AAK1: variants seen among roughly 807,000 people sequenced by gnomAD.
The protein encoded by AAK1 is AP2-associated protein kinase 1.
AAK1 carries 37 observed loss-of-function variants against 116.0 expected under a neutral mutation model. That is an observed-to-expected ratio of 0.32 (90% CI 0.25 to 0.42). The LOEUF (loss-of-function observed/expected upper bound fraction) is 0.42, where lower values mean the gene tolerates loss of function less well. Among genes scored for constraint, AAK1 ranks in the 10% least tolerant of loss-of-function variants. The pLI is 1.00. For synonymous variants in AAK1, 458 were observed against 439.9 expected (o/e 1.04, Z -0.51); for missense variants, 919 against 1,170.6 (o/e 0.79, Z 3.14).
chr2:69,479,832 C>T (rs565889317), intron 19 of AAK1, among the ~76,000 whole-genome samples: 116 of 152,258 alleles, frequency 7.6e-4, no homozygotes, highest in Non-Finnish European at 1.4e-3. Flanking sequence ...CTTGGCTCAC[C>T]GCAACCTCTG....
chr2:69,564,726 C>T (rs1340025451), intron 2 of AAK1, among the ~76,000 whole-genome samples: 2 of 152,182 alleles, frequency 1.3e-5, no homozygotes, highest in African/African-American at 4.8e-5. Flanking sequence ...AGGGCTTTCA[C>T]TTCATGCTAA....
At chr2:69,612,789 A>C (rs1573007594) in intron 2 of AAK1, among the ~76,000 whole-genome samples, 1 of 152,320 alleles carries the variant, frequency 6.6e-6, no homozygotes, top group South Asian at 2.1e-4. Context: ...TACAGAAAGC[A>C]AGTCAATGAC....
At chr2:69,560,165 T>C (rs1409646914) in intron 2 of AAK1, among the ~76,000 whole-genome samples, 1 of 152,208 alleles carries the variant, frequency 6.6e-6, no homozygotes, top group Non-Finnish European at 1.5e-5. Context: ...TAACAGGACT[T>C]GTCAGTCTAA....
chr2:69,496,578 C>T (rs7577851), intron 16 of AAK1, among the ~76,000 whole-genome samples: 46,340 of 151,972 alleles, frequency 0.3, 9,823 homozygotes, highest in African/African-American at 0.59. Flanking sequence ...CTGGTCCTTG[C>T]AACATATTAT....
At chr2:69,622,593 T>A (rs1674700026) in intron 2 of AAK1, among the ~76,000 whole-genome samples, 1 of 152,220 alleles carries the variant, frequency 6.6e-6, no homozygotes, top group Non-Finnish European at 1.5e-5. Context: ...TCAAGGCTTA[T>A]AAACACACCA....
At chr2:69,485,053 C>T (rs1233262897) in intron 17 of AAK1, among the ~76,000 whole-genome samples, 1 of 152,062 alleles carries the variant, frequency 6.6e-6, no homozygotes, top group Non-Finnish European at 1.5e-5. Flanking sequence ...TAATAATTTT[C>T]AGCATACTGG....
intron 16 of AAK1, among the ~76,000 whole-genome samples, chr2:69,498,370 G>C (rs2104940733): frequency 6.6e-6 from 1 of 152,070 alleles, no homozygotes; most frequent in Admixed American, 6.5e-5. Context: ...TCTGAATCTT[G>C]GTCTCTCTCC....
At chr2:69,498,403 G>A (rs1246027141) in intron 16 of AAK1, among the ~76,000 whole-genome samples, 2 of 151,888 alleles carry the variant, frequency 1.3e-5, no homozygotes, top group African/African-American at 4.8e-5. Context: ...GGCATGAGGA[G>A]GATGCTCTGG....
intron 17 of AAK1, among the ~76,000 whole-genome samples, 170 bp from the exon 18 acceptor site, chr2:69,482,982 G>C (rs1675153105): frequency 6.6e-6 from 1 of 152,066 alleles, no homozygotes; most frequent in Non-Finnish European, 1.5e-5. Context: ...TTTCAAAATT[G>C]GAAGTTTAAA....
In AAK1 at chr2:69,643,261, G is replaced by A; in HGVS notation, c.-221C>T. 7.1e-7 allele frequency: 1 copy of A among 1,408,838 alleles called. No homozygotes were observed. Among genetic ancestry groups the A allele is most frequent in the Non-Finnish European group, 9.2e-7 (1 of 1,090,012 alleles). The allele number at this position is 1,408,838 out of a possible 1,614,324, so 87.3% of individuals were successfully genotyped here. ...CCCCTCCTCCTCCAGAAAGCGATTC[G>A]TGTAAGTTTAAACCTGTGATGACAG... On this transcript the variant is annotated 5_prime_UTR_variant, in exon 2 of 22. The change creates a new upstream start codon in the 5' untranslated region. Coordinates refer to ENST00000409085, the MANE Select transcript of AAK1 (RefSeq NM_014911.5).
At chr2:69,544,647 T>C (rs1670852864) in intron 3 of AAK1, 103 bp from the exon 4 acceptor site, 1 of 836,258 alleles carries the variant, frequency 1.2e-6, no homozygotes, top group East Asian at 2.6e-5. Flanking sequence ...ACAGAGATGA[T>C]ACAGTGTTGA....
chr2:69,534,394 T>G (rs547401304), intron 5 of AAK1, among the ~76,000 whole-genome samples: 2 of 152,332 alleles, frequency 1.3e-5, no homozygotes, highest in South Asian at 4.1e-4. Flanking sequence ...AATACTTGTC[T>G]AATGCATTGG....
chr2:69,476,193 T>C (rs909429442), intron 21 of AAK1, among the ~76,000 whole-genome samples: 61 of 152,208 alleles, frequency 4.0e-4, no homozygotes, highest in Non-Finnish European at 4.3e-4. Flanking sequence ...AGGCACTCTG[T>C]GCACACCACA....
At chr2:69,488,668 A>G (rs1675398103) in intron 17 of AAK1, among the ~76,000 whole-genome samples, 1 of 152,192 alleles carries the variant, frequency 6.6e-6, no homozygotes, top group African/African-American at 2.4e-5. Context: ...GGTGCCTGTG[A>G]TTACAGTAGT....
chr2:69,473,031 C>CT lies in AAK1; in HGVS notation c.*2837dup. 1.0e-6 allele frequency: 1 copy of CT among 973,846 alleles called. No individual in the cohort carries two copies. The highest frequency in any genetic ancestry group is 1.2e-6 in the Non-Finnish European group (1 of 819,030). 60.3% of individuals were successfully genotyped at this position (973,846 alleles called of 1,614,324 possible). On this transcript the variant is annotated 3_prime_UTR_variant, in exon 22 of 22. Coordinates refer to ENST00000409085, the MANE Select transcript of AAK1 (RefSeq NM_014911.5). ...AGGATTATATAAATCCTTCATAGCCCTTCTCAATATAATAATATATACTTA... is the reference window on the plus strand; with the variant it reads ...AGGATTATATAAATCCTTCATAGCCCTTTCTCAATATAATAATATATACTTA...
intron 2 of AAK1, among the ~76,000 whole-genome samples, chr2:69,613,010 C>T (rs1180980890): frequency 6.6e-6 from 1 of 152,132 alleles, no homozygotes; most frequent in Admixed American, 6.6e-5. Context: ...GATCTGGAGA[C>T]CAGGAAAATT....
At chr2:69,534,918 T>C (rs1670398771) in intron 5 of AAK1, among the ~76,000 whole-genome samples, 1 of 152,244 alleles carries the variant, frequency 6.6e-6, no homozygotes, top group Non-Finnish European at 1.5e-5. Flanking sequence ...GTATTTATGC[T>C]TGCCTTCCCA....
At chr2:69,558,592 T>C (rs1045041511) in intron 2 of AAK1, among the ~76,000 whole-genome samples, 3 of 152,200 alleles carry the variant, frequency 2.0e-5, no homozygotes, top group Non-Finnish European at 4.4e-5. Context: ...ATTGTCATCA[T>C]TTAGCTTGAA....
intron 11 of AAK1, among the ~76,000 whole-genome samples, chr2:69,520,346 T>C (rs1290435919): frequency 6.6e-6 from 1 of 150,938 alleles, no homozygotes; most frequent in East Asian, 1.9e-4. Context: ...CCATTTGCGA[T>C]ACAATTCTTT....
Sources: gnomAD v4.1 joint callset for allele counts (sites outside exome capture counted in the v4.1 genomes callset) on GRCh38, gnomAD v4.1.1 for gene constraint, MANE v1.5 for transcripts, NCBI Gene and HGNC (gene_info 2026-07-23, HGNC 2026-07-21) for gene names.